C3orf70: variants seen among roughly 807,000 people sequenced by gnomAD.
C3orf70 encodes the protein chromosome 3 open reading frame 70, also known as UPF0524 protein C3orf70.
A neutral mutation model predicts 20.7 loss-of-function variants in C3orf70; 15 were observed. That is an observed-to-expected ratio of 0.72 (90% CI 0.48 to 1.11). C3orf70 has a LOEUF of 1.11. Among genes scored for constraint, C3orf70 ranks in the 50% most tolerant of loss-of-function variants. C3orf70 has a pLI of 0.00. For missense variants in C3orf70, 332 were observed against 317.6 expected (o/e 1.05, Z -0.34); for synonymous variants, 161 against 125.7 (o/e 1.28, Z -1.88).
At chr3:185,090,011 CAA>C (rs931164855) in intron 1 of C3orf70, among the ~76,000 whole-genome samples, 13 of 152,138 alleles carry the variant, frequency 8.5e-5, no homozygotes, top group Admixed American at 1.3e-4. Context: ...AAAAAAGAAA[CAA>C]AGAGTTATTA....
intron 1 of C3orf70, among the ~76,000 whole-genome samples, chr3:185,118,210 A>G (rs1716223563): frequency 6.6e-6 from 1 of 152,210 alleles, no homozygotes; most frequent in Non-Finnish European, 1.5e-5. Context: ...GTTCTTTCAT[A>G]TCTGCAAGTC....
chr3:185,152,655 A>G lies in C3orf70; in HGVS notation c.169T>C (p.Trp57Arg). The G allele has an allele frequency of 1.3e-6, 2 of 1,588,886 alleles. No individual in the cohort carries two copies. Among genetic ancestry groups the G allele is most frequent in the East Asian group, 2.4e-5 (1 of 41,966 alleles). The change falls in exon 1 of 2, where the codon TGG becomes CGG. Residue 57 changes from tryptophan to arginine, a missense_variant. Trp to Arg is a moderately radical substitution (Grantham distance 101). Transcript: ENST00000335012. ...TGACACCATCCTAGGTGACAGCACC[A>G]GTGCAGCTTGAAGCACTTGCCATGG... ...HSHGKCFKLH[W>R]CCHLGWCHCK...
chr3:185,136,538 C>T (rs1716624966), intron 1 of C3orf70, among the ~76,000 whole-genome samples: 1 of 145,180 alleles, frequency 6.9e-6, no homozygotes, highest in Non-Finnish European at 1.5e-5. Context: ...CTGGCTAACA[C>T]AGTGAAACCC....
At chr3:185,106,601 C>T (rs112885251) in intron 1 of C3orf70, among the ~76,000 whole-genome samples, 2 of 152,244 alleles carry the variant, frequency 1.3e-5, no homozygotes, top group African/African-American at 2.4e-5. Flanking sequence ...TTGGGAAACA[C>T]CATGAGGGCC....
chr3:185,087,294 A>C (rs1401153499), intron 1 of C3orf70, among the ~76,000 whole-genome samples: 4 of 152,254 alleles, frequency 2.6e-5, no homozygotes, highest in Non-Finnish European at 5.9e-5. Context: ...AAGGAGCATC[A>C]GTTTGATCCA....
At chr3:185,118,214 G>T (rs552919570) in intron 1 of C3orf70, among the ~76,000 whole-genome samples, 2 of 152,254 alleles carry the variant, frequency 1.3e-5, no homozygotes, top group East Asian at 3.9e-4. Context: ...TTTCATATCT[G>T]CAAGTCTTAC....
At chr3:185,092,359 C>T (rs1715610304) in intron 1 of C3orf70, among the ~76,000 whole-genome samples, 2 of 152,224 alleles carry the variant, frequency 1.3e-5, no homozygotes, top group African/African-American at 4.8e-5. Flanking sequence ...CAGGGCCCTC[C>T]CATTCCTGAG....
chr3:185,120,331 C>G (rs550534408), intron 1 of C3orf70, among the ~76,000 whole-genome samples: 1 of 152,196 alleles, frequency 6.6e-6, no homozygotes, highest in South Asian at 2.1e-4. Flanking sequence ...GGACAAGATT[C>G]CTTTACCTTC....
intron 1 of C3orf70, among the ~76,000 whole-genome samples, chr3:185,094,424 A>G (rs1715659586): frequency 6.6e-6 from 1 of 151,940 alleles, no homozygotes; most frequent in Admixed American, 6.6e-5. Context: ...TTCTTTTCCC[A>G]GGTATTTTTA....
intron 1 of C3orf70, among the ~76,000 whole-genome samples, chr3:185,138,963 A>G (rs980408986): frequency 1.6e-4 from 24 of 152,178 alleles, no homozygotes; most frequent in African/African-American, 4.8e-4. Context: ...TTAGCTGGAC[A>G]TGGTGGCATA....
intron 1 of C3orf70, among the ~76,000 whole-genome samples, chr3:185,109,017 T>G (rs1028182286): frequency 6.6e-6 from 1 of 152,160 alleles, no homozygotes; most frequent in Non-Finnish European, 1.5e-5. Flanking sequence ...TTTCTCTATG[T>G]GGAATATTAA....
chr3:185,108,176 A>G (rs1055080972), intron 1 of C3orf70, among the ~76,000 whole-genome samples: 1 of 152,200 alleles, frequency 6.6e-6, no homozygotes, highest in African/African-American at 2.4e-5. Context: ...GAAATTAACT[A>G]ATTAGATTCT....
chr3:185,106,905 A>G (rs1715955918), intron 1 of C3orf70, among the ~76,000 whole-genome samples: 1 of 152,246 alleles, frequency 6.6e-6, no homozygotes. Flanking sequence ...TCAAATTGTT[A>G]CATCTACTTC....
intron 1 of C3orf70, among the ~76,000 whole-genome samples, chr3:185,140,972 A>AAAAAAAAAAAG: frequency 1.0e-5 from 1 of 99,964 alleles, no homozygotes; most frequent in South Asian, 3.7e-4. Flanking sequence ...TTGTCACCAA[A>AAAAAAAAAAAG]AAAAAAAAAG....
At chr3:185,115,554 C>A (rs960305700) in intron 1 of C3orf70, among the ~76,000 whole-genome samples, 1 of 152,092 alleles carries the variant, frequency 6.6e-6, no homozygotes. Context: ...TCTTGGCTGG[C>A]AAATTTGGAA....
At chr3:185,148,009 T>C (rs35267070) in intron 1 of C3orf70, among the ~76,000 whole-genome samples, 7,901 of 152,282 alleles carry the variant, frequency 0.052, 672 homozygotes, top group African/African-American at 0.18. Flanking sequence ...ATTTTTCTTC[T>C]CTAGCCATCT....
At chr3:185,134,752 C>T (rs1192672583) in intron 1 of C3orf70, among the ~76,000 whole-genome samples, 1 of 152,154 alleles carries the variant, frequency 6.6e-6, no homozygotes. Context: ...GAACTTCCAC[C>T]CTTGAAAGGC....
chr3:185,148,399 C>T lies in C3orf70; in HGVS notation c.196+4229G>A, dbSNP rs115440820. Among the ~76,000 whole-genome samples, 1,340 of 152,300 alleles carry T rather than the reference C, an allele frequency of 8.8e-3. 18 individuals carry two copies. Among genetic ancestry groups the T allele is most frequent in the African/African-American group, 0.03 (1,248 of 41,548 alleles). On this transcript the variant is annotated intron_variant, in intron 1 of 1. Transcript: ENST00000335012. ...CACCACCATCCACAGCTGCATAAAGCAGAATTCTAGAAGTTAACCTTAATA... is the reference window on the plus strand; with the variant it reads ...CACCACCATCCACAGCTGCATAAAGTAGAATTCTAGAAGTTAACCTTAATA...
rs969556971 is a variant in C3orf70, at chr3:185,078,108, A to G, written c.*4899T>C. 1 of 152,666 alleles carries G rather than the reference A, an allele frequency of 6.6e-6. No individual in the cohort carries two copies. Among genetic ancestry groups the G allele is most frequent in the Non-Finnish European group, 1.5e-5 (1 of 68,040 alleles). 9.5% of individuals were successfully genotyped at this position (152,666 alleles called of 1,614,324 possible). A position where few individuals can be genotyped will look rare whatever the true frequency, so the allele number is the denominator to read the frequency against. ...TTTTACAAGGCAGTTATTTTCCTAA[A>G]GTGTTACATATCAAGGAAAGTTGAG... On this transcript the variant is annotated 3_prime_UTR_variant, in exon 2 of 2. Transcript: ENST00000335012.
Sources: gnomAD v4.1 joint callset for allele counts (sites outside exome capture counted in the v4.1 genomes callset) on GRCh38, gnomAD v4.1.1 for gene constraint, MANE v1.5 for transcripts, NCBI Gene and HGNC (gene_info 2026-07-23, HGNC 2026-07-21) for gene names.